The following PGAM5 variants were observed in gnomAD, a reference collection of about 807,000 sequenced individuals.
The protein encoded by PGAM5 is serine/threonine-protein phosphatase PGAM5, mitochondrial.
A neutral mutation model predicts 30.6 loss-of-function variants in PGAM5; 25 were observed. The ratio of observed to expected loss-of-function variants is 0.82; its 90% CI spans 0.60 to 1.14. The LOEUF (loss-of-function observed/expected upper bound fraction) is 1.14, where lower values mean the gene tolerates loss of function less well. Ranked by LOEUF, PGAM5 falls within the 50% of genes most tolerant of loss-of-function variation. The pLI, the probability that PGAM5 is intolerant of heterozygous loss-of-function variation, is 0.00. For synonymous variants in PGAM5, 201 were observed against 179.1 expected, an observed-to-expected ratio of 1.12 and a Z score of -0.98; for missense variants, 384 against 408.5, an observed-to-expected ratio of 0.94 and a Z score of 0.52.
Position 132,720,780 on chromosome 12 carries a change from C to A in PGAM5, c.822C>A (p.Thr274=). Residue 274 remains threonine (T), a synonymous_variant, in exon 6 of 6, where the codon ACC becomes ACA. Coordinates refer to ENST00000498926, the MANE Select transcript of PGAM5 (RefSeq NM_001170543.2). ...CCAACGGCCGAGTTGCGCTCAGGAC[C>A]CTCGGGGACACGGGGTTCATGCCTC... ...IRPNGRVALR[T]LGDTGFMPPD... The A allele has an allele frequency of 5.2e-6, 8 of 1,536,462 alleles. No individual in the cohort carries two copies. The highest frequency in any genetic ancestry group is 7.0e-6 in the Non-Finnish European group (8 of 1,146,886).
chr12:132,715,606 C>T (rs1347009267), intron 2 of PGAM5, among the ~76,000 whole-genome samples: 1 of 144,580 alleles, frequency 6.9e-6, no homozygotes, highest in Non-Finnish European at 1.5e-5. Context: ...TGGCCAGGCA[C>T]GGTGGCTCAC....
intron 1 of PGAM5, among the ~76,000 whole-genome samples, chr12:132,712,880 G>A (rs1445771539): frequency 6.6e-6 from 1 of 152,162 alleles, no homozygotes; most frequent in Non-Finnish European, 1.5e-5. Context: ...GAAGTAGGCT[G>A]GGTGCGGTGG....
intron 2 of PGAM5, among the ~76,000 whole-genome samples, chr12:132,717,003 T>C (rs1039268764): frequency 4.8e-4 from 73 of 152,314 alleles, no homozygotes; most frequent in African/African-American, 1.7e-3. Flanking sequence ...TTGGGGTGTT[T>C]AGGTCCCGCT....
chr12:132,716,234 C>T (rs1024463921), intron 2 of PGAM5, among the ~76,000 whole-genome samples: 2 of 152,048 alleles, frequency 1.3e-5, no homozygotes, highest in Non-Finnish European at 2.9e-5. Context: ...TACAGGCACA[C>T]GCTGCCACTC....
At chr12:132,717,322 G>A (rs1354756098) in intron 2 of PGAM5, 117 bp from the exon 3 acceptor site, 13 of 1,211,620 alleles carry the variant, frequency 1.1e-5, no homozygotes, top group Admixed American at 9.1e-5. Context: ...GGGTGTTTGC[G>A]GGCGGAGGAG....
chr12:132,720,827 G>A lies in PGAM5; in HGVS notation c.869G>A (p.Ter290=), dbSNP rs1231050449. The A allele has an allele frequency of 1.2e-5, 19 of 1,536,104 alleles. No homozygotes were observed. Among genetic ancestry groups the A allele is most frequent in the Non-Finnish European group, 1.6e-5 (18 of 1,146,628 alleles). ...CCTCCCGACAAGATCACTCGATCCT[G>A]AGGGCTCCGGCCTCTCCTTCCCTCT... ...FMPPDKITRS[*] Residue 290 remains the stop codon, a stop_retained_variant, in exon 6 of 6, where the codon TGA becomes TAA. Transcript: ENST00000498926.
intron 1 of PGAM5, among the ~76,000 whole-genome samples, chr12:132,712,367 G>T (rs899987649): frequency 2.0e-5 from 3 of 152,146 alleles, no homozygotes; most frequent in Non-Finnish European, 4.4e-5. Context: ...AGGCGTCCTG[G>T]TCAGGGGTTT....
Position 132,713,165 on chromosome 12 carries a change from A to AG in PGAM5, c.192-1692dup, listed in dbSNP as rs561431699. 5.9e-4 allele frequency among the ~76,000 whole-genome samples: 90 copies of AG among 152,294 alleles called. 2 individuals are homozygous for AG. Among genetic ancestry groups the AG allele is most frequent in the Admixed American group, 4.6e-4 (7 of 15,292 alleles). ...ATAGAGTGAAACTCTGTCTCAAAAA[A>AG]GAAAAAAAAGAACTTGAAGTAGAAC... On this transcript the variant is annotated intron_variant, in intron 1 of 5. Transcript: ENST00000498926.
In PGAM5 at chr12:132,720,884, G is replaced by A. The variant is rs185969066; in HGVS notation, c.*56G>A. 335 of 1,493,260 alleles carry A rather than the reference G, an allele frequency of 2.2e-4. 1 individual carries two copies. In the African/African-American group the frequency reaches 4.0e-3, roughly 18 times the overall value. The allele number at this position is 1,493,260 out of a possible 1,614,324, so 92.5% of individuals were successfully genotyped here. On this transcript the variant is annotated 3_prime_UTR_variant, in exon 6 of 6. Coordinates refer to ENST00000498926, the MANE Select transcript of PGAM5 (RefSeq NM_001170543.2). ...CCTGCACAGGCCGCACACACTTAAC[G>A]TTTTGTTCCCAAGGAGACCGGCGGA... is the stretch of plus-strand genomic sequence containing the variant.
rs1211477870 is a variant in PGAM5 at position 132,720,864 on chromosome 12, A to G, written c.*36A>G. 14 of 1,527,684 alleles carry G rather than the reference A, an allele frequency of 9.2e-6. No homozygotes were observed. The East Asian group carries it at 2.0e-4, about 21-fold the overall frequency. 94.6% of individuals were successfully genotyped at this position (1,527,684 alleles called of 1,614,324 possible). A position where few individuals can be genotyped will look rare whatever the true frequency, so the allele number is the denominator to read the frequency against. ...CTCTCCTTCCCTCTGTCCTCCCTGC[A>G]CAGGCCGCACACACTTAACGTTTTG... is the stretch of plus-strand genomic sequence containing the variant. On this transcript the variant is annotated 3_prime_UTR_variant, in exon 6 of 6. Coordinates refer to ENST00000498926, the MANE Select transcript of PGAM5 (RefSeq NM_001170543.2).
rs1283478438 is a variant in PGAM5, at chr12:132,717,536, C to A, written c.468C>A (p.Thr156=). 5 of 1,610,724 alleles carry A rather than the reference C, an allele frequency of 3.1e-6. No individual in the cohort carries two copies. Among genetic ancestry groups the A allele is most frequent in the African/African-American group, 1.3e-5 (1 of 74,922 alleles). The change falls in exon 3 of 6, where the codon ACC becomes ACA. Residue 156 remains threonine (T), a synonymous_variant. Coordinates refer to ENST00000498926, the MANE Select transcript of PGAM5 (RefSeq NM_001170543.2). ...CGTCTATGACGCGCGCCATAGAGAC[C>A]ACCGATATCATCAGCCGGCACCTGC... ...VHSSMTRAIE[T]TDIISRHLPG...
At chr12:132,715,240 G>A (rs2043563486) in intron 2 of PGAM5, among the ~76,000 whole-genome samples, 2 of 152,238 alleles carry the variant, frequency 1.3e-5, no homozygotes, top group South Asian at 2.1e-4. Context: ...ACCAGTAACT[G>A]TCAGCTGAAC....
intron 5 of PGAM5, chr12:132,719,117 A>T (rs2043618364): frequency 2.2e-6 from 3 of 1,357,856 alleles, no homozygotes; most frequent in Admixed American, 3.3e-5. Context: ...TACATGCCTG[A>T]AACAGTCAGA....
chr12:132,721,335 T>A lies in PGAM5; in HGVS notation c.*507T>A, dbSNP rs7486982. On this transcript the variant is annotated 3_prime_UTR_variant, in exon 6 of 6. Coordinates refer to ENST00000498926, the MANE Select transcript of PGAM5 (RefSeq NM_001170543.2). The stretch of plus-strand genomic sequence containing the variant: ...CTGGGCACAGTGGCTCACACCTGTA[T>A]TCCCAGCTACTCAGGAGGCCAGGGT... 1 of 152,462 alleles carries A rather than the reference T, an allele frequency of 6.6e-6. No homozygotes were observed. The highest frequency in any genetic ancestry group is 1.5e-5 in the Non-Finnish European group (1 of 68,204). The allele number at this position is 152,462 out of a possible 1,614,324, so 9.4% of individuals were successfully genotyped here.
intron 1 of PGAM5, among the ~76,000 whole-genome samples, chr12:132,712,538 C>G (rs2043533491): frequency 6.6e-6 from 1 of 152,158 alleles, no homozygotes; most frequent in African/African-American, 2.4e-5. Flanking sequence ...CTCACTGCAA[C>G]CTCCGCCTCC....
intron 5 of PGAM5, chr12:132,719,150 A>T: frequency 7.9e-7 from 1 of 1,267,744 alleles, no homozygotes; most frequent in Admixed American, 3.9e-5. Context: ...ATCTCACTAA[A>T]TGCAAATTTG....
At chr12:132,718,295 T>C (rs1566000299) in intron 5 of PGAM5, among the ~76,000 whole-genome samples, 175 bp downstream of exon 5, 1 of 149,610 alleles carries the variant, frequency 6.7e-6, no homozygotes, top group Non-Finnish European at 1.5e-5. Flanking sequence ...AGGTGGCGTG[T>C]TACTTGGAGC....
chr12:132,713,435 C>T (rs1021464439), intron 1 of PGAM5, among the ~76,000 whole-genome samples: 1 of 152,144 alleles, frequency 6.6e-6, no homozygotes, highest in Non-Finnish European at 1.5e-5. Flanking sequence ...ATGCAGTTTA[C>T]GGCTTCCTGT....
In PGAM5 at chr12:132,720,452, T is replaced by C. The variant is rs144266561; in HGVS notation, c.720-226T>C. Among the ~76,000 whole-genome samples, 4,906 of 152,102 alleles carry C rather than the reference T, an allele frequency of 0.032. 240 individuals are homozygous for C. Among genetic ancestry groups the C allele is most frequent in the African/African-American group, 0.11 (4,560 of 41,464 alleles). On this transcript the variant is annotated intron_variant, in intron 5 of 5. Transcript: ENST00000498926. ...CCTCCCAAGTAGCTGGGACTACAGG[T>C]GCCTGCTATCACGCCCAGCTAATTT... is the stretch of plus-strand genomic sequence containing the variant.
Sources: allele counts gnomAD v4.1 joint callset (sites outside exome capture counted in the v4.1 genomes callset), GRCh38; gene constraint gnomAD v4.1.1; transcripts MANE v1.5; gene names NCBI Gene and HGNC (gene_info 2026-07-23, HGNC 2026-07-21).